SEMA4C: variants seen among roughly 807,000 people sequenced by gnomAD.
The protein encoded by SEMA4C is semaphorin-4C.
In SEMA4C, 19 loss-of-function variants were observed where a neutral mutation model predicts 89.0. The observed-to-expected ratio is 0.21, with a 90% CI of 0.15 to 0.31. SEMA4C has a LOEUF of 0.31. Among genes scored for constraint, SEMA4C ranks in the 10% least tolerant of loss-of-function variants. The pLI is 1.00. For missense variants in SEMA4C, 811 were observed against 1,107.0 expected, an observed-to-expected ratio of 0.73 and a Z score of 3.79; for synonymous variants, 428 against 472.7, an observed-to-expected ratio of 0.91 and a Z score of 1.23.
Position 96,860,528 on chromosome 2 carries a change from G to C in SEMA4C, c.*98C>G. ...TGCTGGGCAGTATCTGTCCCAGACA[G>C]AGCAGGTGCCCGTGCCATGTCCCTG... On this transcript the variant is annotated 3_prime_UTR_variant, in exon 15 of 15. Transcript: ENST00000305476. 9.1e-7 allele frequency: 1 copy of C among 1,100,702 alleles called. No homozygotes were observed. The highest frequency in any genetic ancestry group is 1.5e-5 in the South Asian group (1 of 67,490). 68.2% of individuals were successfully genotyped at this position (1,100,702 alleles called of 1,614,324 possible).
chr2:96,869,925 G>T lies in SEMA4C; in HGVS notation c.-87C>A. The T allele has an allele frequency of 2.0e-6, 2 of 986,578 alleles. No homozygotes were observed. The highest frequency in any genetic ancestry group is 9.1e-5 in the South Asian group (2 of 22,004). 61.1% of individuals were successfully genotyped at this position (986,578 alleles called of 1,614,324 possible). On this transcript the variant is annotated 5_prime_UTR_variant, in exon 1 of 15. Transcript: ENST00000305476. ...GGGCGCCGCCCTCGCGTTCGGCTCT[G>T]ACCGCCGTCCACCCCTGCCCCCGCG...
intron 2 of SEMA4C, among the ~76,000 whole-genome samples, chr2:96,867,566 CT>C (rs2080108189): frequency 6.6e-6 from 1 of 152,162 alleles, no homozygotes; most frequent in Non-Finnish European, 1.5e-5. Flanking sequence ...GGCTCTCCCC[CT>C]CCCACACCTG....
intron 3 of SEMA4C, 35 bp downstream of exon 3, chr2:96,866,248 C>T: frequency 1.3e-6 from 2 of 1,580,100 alleles, no homozygotes; most frequent in South Asian, 2.3e-5. Flanking sequence ...TGCCCTCTGG[C>T]AGGCCCGACT....
chr2:96,861,904 A>G lies in SEMA4C; in HGVS notation c.1444-10T>C, dbSNP rs765734051. ...CGGCAAAGAGCAGCTTCTGCGAGAA[A>G]AGCGGGGCGCAGGAGGGGGGTCGGC... On this transcript the variant is annotated splice_polypyrimidine_tract_variant and intron_variant, in intron 12 of 14. Transcript: ENST00000305476. The surrounding 1 kb of genome is among the most constrained non-coding windows in gnomAD (Gnocchi z 7.8). 6.2e-7 allele frequency: 1 copy of G among 1,602,324 alleles called. No homozygotes were observed. Among genetic ancestry groups the G allele is most frequent in the South Asian group, 1.1e-5 (1 of 90,132 alleles).
At chr2:96,863,623 T>A (rs59271006) in intron 12 of SEMA4C, 59 bp downstream of exon 12, 479,269 of 1,503,030 alleles carry the variant, frequency 0.32, 91,923 homozygotes, top group South Asian at 0.72. Context: ...AGCAGCCAGA[T>A]GGAGAGAGTG....
In SEMA4C at chr2:96,865,240, A is replaced by T. The variant is rs760534124; in HGVS notation, c.598T>A (p.Ser200Thr). The part of the protein sequence containing the change: ...IILRNMGPHH[S>T]MKTEYLAFWL... ...AAGGCCAGGTACTCTGTCTTCATGG[A>T]GTGGTGGGGCCCCATGTTACGCAGG... Residue 200 changes from serine to threonine, a missense_variant, in exon 7 of 15, where the codon TCC becomes ACC. Ser to Thr is a moderately conservative substitution (Grantham distance 58). Coordinates refer to ENST00000305476, the MANE Select transcript of SEMA4C (RefSeq NM_017789.5). The T allele has an allele frequency of 1.6e-5, 26 of 1,614,112 alleles. No individual in the cohort carries two copies. The highest frequency in any genetic ancestry group is 2.2e-5 in the Non-Finnish European group (26 of 1,179,946).
At position 96,870,065 on chromosome 2, in the gene SEMA4C, C is replaced by A; in HGVS notation, c.-227G>T. On this transcript the variant is annotated 5_prime_UTR_variant, in exon 1 of 15. Transcript: ENST00000305476. Reference sequence around the variant, plus strand: ...GGGCTCCCCGCGCCACCACGGCGGGCGCCGGCTCTTTCTCCAGCGCGGCCG... The same window carrying A: ...GGGCTCCCCGCGCCACCACGGCGGGAGCCGGCTCTTTCTCCAGCGCGGCCG... 1 of 977,180 alleles carries A rather than the reference C, an allele frequency of 1.0e-6. No homozygotes were observed. Among genetic ancestry groups the A allele is most frequent in the Non-Finnish European group, 1.2e-6 (1 of 822,244 alleles). 60.5% of individuals were successfully genotyped at this position (977,180 alleles called of 1,614,324 possible).
intron 12 of SEMA4C, chr2:96,862,667 C>G (rs967741638): frequency 6.6e-6 from 1 of 152,200 alleles, no homozygotes; most frequent in African/African-American, 2.4e-5. Context: ...TCGAGACCAT[C>G]CTGGCTAACA....
At chr2:96,869,462 C>T (rs985875304) in intron 1 of SEMA4C, 2 of 644,980 alleles carry the variant, frequency 3.1e-6, no homozygotes, top group South Asian at 7.3e-5. Context: ...GCCTCCCCAG[C>T]GGAATGGGCG....
chr2:96,863,335 G>A, intron 12 of SEMA4C: 1 of 1,057,344 alleles, frequency 9.5e-7, no homozygotes. Flanking sequence ...CACAGCCTGG[G>A]AGGTCTGGTC....
rs765973895 is a variant in SEMA4C at position 96,864,353 on chromosome 2, T to C, written c.992A>G (p.Glu331Gly). 1 of 1,613,748 alleles carries C rather than the reference T, an allele frequency of 6.2e-7. No individual in the cohort carries two copies. Among genetic ancestry groups the C allele is most frequent in the African/African-American group, 1.3e-5 (1 of 74,910 alleles). The change falls in exon 10 of 15, where the codon GAG (glutamate) becomes GGG (glycine). Residue 331 changes from glutamate (E) to glycine (G), a missense_variant. Glu to Gly is a moderately conservative substitution (Grantham distance 98). This residue lies in a region of SEMA4C where 441 missense variants were observed against 664.9 expected (regional missense o/e 0.66). Transcript: ENST00000305476. This position sits in a 1 kb window ranked among gnomAD's most constrained non-coding sequence, Gnocchi z 6.3. ...WGDMYLSAICEYQLEEIQRVF... is the reference protein window; with the variant it reads ...WGDMYLSAICGYQLEEIQRVF... ...CCGCTGGATCTCTTCCAACTGGTAC[T>C]CACAGATGGCCGACAGGTACATGTC...
intron 2 of SEMA4C, 89 bp downstream of exon 2, chr2:96,867,689 C>G (rs2080112212): frequency 2.3e-6 from 3 of 1,307,304 alleles, no homozygotes; most frequent in Non-Finnish European, 3.3e-6. Context: ...AAAGCTGTGC[C>G]ACACACGTGA....
intron 2 of SEMA4C, chr2:96,866,698 A>T: frequency 1.6e-6 from 1 of 614,662 alleles, no homozygotes; most frequent in Non-Finnish European, 3.0e-6. Flanking sequence ...AGAGGAAGCC[A>T]TCAGACTGAT....
rs2080169572 is a variant in SEMA4C, at chr2:96,869,949, C to G, written c.-111G>C. 1.0e-6 allele frequency: 1 copy of G among 986,922 alleles called. No homozygotes were observed. Among genetic ancestry groups the G allele is most frequent in the Non-Finnish European group, 1.2e-6 (1 of 830,808 alleles). The allele number at this position is 986,922 out of a possible 1,614,324, so 61.1% of individuals were successfully genotyped here. A position where few individuals can be genotyped will look rare whatever the true frequency, so the allele number is the denominator to read the frequency against. On this transcript the variant is annotated 5_prime_UTR_variant, in exon 1 of 15. Transcript: ENST00000305476. ...TGACCGCCGTCCACCCCTGCCCCCG[C>G]GTCGCCGCCTGCCCGCGCTCGCCCG...
intron 2 of SEMA4C, chr2:96,866,920 T>C: frequency 3.1e-6 from 1 of 322,126 alleles, no homozygotes; most frequent in Non-Finnish European, 6.1e-6. Context: ...CTGCCAGAGA[T>C]GCGAGCACAG....
chr2:96,861,945 G>A lies in SEMA4C; in HGVS notation c.1444-51C>T. On this transcript the variant is annotated intron_variant, in intron 12 of 14. Coordinates refer to ENST00000305476, the MANE Select transcript of SEMA4C (RefSeq NM_017789.5). The surrounding 1 kb of genome is among the most constrained non-coding windows in gnomAD (Gnocchi z 7.8). ...GGGGGTCGGCCAGGGCCACACCACG[G>A]GAGGGGCGGCCGGACCAGAACGCAG... 6.4e-7 allele frequency: 1 copy of A among 1,552,598 alleles called. No homozygotes were observed. Among genetic ancestry groups the A allele is most frequent in the Non-Finnish European group, 8.7e-7 (1 of 1,149,740 alleles).
chr2:96,861,222 G>C lies in SEMA4C; in HGVS notation c.1906C>G (p.Leu636Val). The change falls in exon 15 of 15, where the codon CTG (leucine) becomes GTG (valine). Residue 636 changes from leucine (L) to valine (V), a missense_variant. Coordinates refer to ENST00000305476, the MANE Select transcript of SEMA4C (RefSeq NM_017789.5). The surrounding 1 kb of genome is among the most constrained non-coding windows in gnomAD (Gnocchi z 7.8). The part of the protein sequence containing the change: ...HCFSEEQGAR[L>V]AAEGYLVAVV... ...GCCACAAGGTAGCCTTCAGCAGCCA[G>C]CCGCGCCCCCTGCTCCTCTGAAAAG... is the stretch of plus-strand genomic sequence containing the variant. 1 of 1,610,470 alleles carries C rather than the reference G, an allele frequency of 6.2e-7. No individual in the cohort carries two copies.
rs1310614980 is a variant in SEMA4C, at chr2:96,860,690, A to T, written c.2438T>A (p.Leu813Gln). ...CTGGCGTTGCTGCAGTTTGCGTCTC[A>T]GTTCATCCGCGAGCTCAGGCAGGGG... The part of the protein sequence containing the change: ...GHPLPELADE[L>Q]RRKLQQRQPL... The change falls in exon 15 of 15, where the codon CTG (leucine) becomes CAG (glutamine). Residue 813 changes from leucine (L) to glutamine (Q), a missense_variant. Leu to Gln is a moderately radical substitution (Grantham distance 113). Transcript: ENST00000305476. 6.2e-7 allele frequency: 1 copy of T among 1,613,310 alleles called. No homozygotes were observed. Among genetic ancestry groups the T allele is most frequent in the African/African-American group, 1.3e-5 (1 of 74,928 alleles).
chr2:96,865,894 CTCAGTCT>C lies in SEMA4C; in HGVS notation c.287_293del (p.Lys96SerfsTer104). ...GGTTGTTCTTCCCTTTCTGGATACA[CTCAGTCT>C]TCTTCTCCACGGGGGCCTCCCAGGA... is the stretch of plus-strand genomic sequence containing the variant. On this transcript the variant is annotated frameshift_variant, in exon 4 of 15. Coordinates refer to ENST00000305476, the MANE Select transcript of SEMA4C (RefSeq NM_017789.5). LOFTEE classifies it high-confidence loss of function. 1 of 1,614,094 alleles carries C rather than the reference CTCAGTCT, an allele frequency of 6.2e-7. No homozygotes were observed. Among genetic ancestry groups the C allele is most frequent in the Non-Finnish European group, 8.5e-7 (1 of 1,180,022 alleles).
Sources: gnomAD v4.1 joint callset for allele counts (sites outside exome capture counted in the v4.1 genomes callset) on GRCh38, gnomAD v4.1.1 for gene constraint, gnomAD v4.1.1 regional missense constraint, Gnocchi (gnomAD v3.1) non-coding constraint, MANE v1.5 for transcripts, NCBI Gene and HGNC (gene_info 2026-07-23, HGNC 2026-07-21) for gene names.